PLXNA4: variants seen among roughly 807,000 people sequenced by gnomAD.
PLXNA4 encodes plexin A4, also known as plexin-A4.
In PLXNA4, 44 loss-of-function variants were observed where a neutral mutation model predicts 191.8. The observed-to-expected ratio is 0.23, with a 90% confidence interval of 0.18 to 0.29. The LOEUF (loss-of-function observed/expected upper bound fraction) is 0.29. PLXNA4 is among the 10% of genes least tolerant of loss of function. The pLI, the probability that PLXNA4 is intolerant of heterozygous loss-of-function variation, is 1.00. For synonymous variants in PLXNA4, 1,082 were observed against 1,009.5 expected (o/e 1.07, Z -1.36); for missense variants, 1,800 against 2,488.8 (o/e 0.72, Z 5.89).
At chr7:132,396,446 G>A (rs550543584) in intron 3 of PLXNA4, among the ~76,000 whole-genome samples, 7 of 152,292 alleles carry the variant, frequency 4.6e-5, no homozygotes, top group South Asian at 2.1e-4. Flanking sequence ...GTCCAAGGTC[G>A]AACAACTGAT....
At chr7:132,360,269 G>A (rs183557643) in intron 3 of PLXNA4, among the ~76,000 whole-genome samples, 3 of 152,304 alleles carry the variant, frequency 2.0e-5, no homozygotes, top group South Asian at 4.1e-4. Flanking sequence ...AGGACCTCCA[G>A]GTGGGCCTGT....
At chr7:132,131,680 G>A (rs923434513) in intron 31 of PLXNA4, among the ~76,000 whole-genome samples, 3 of 152,256 alleles carry the variant, frequency 2.0e-5, no homozygotes, top group African/African-American at 7.2e-5. Flanking sequence ...GTAGACAGGT[G>A]TACTTGTAGA....
At chr7:132,398,966 C>A (rs1384468312) in intron 3 of PLXNA4, among the ~76,000 whole-genome samples, 1 of 152,168 alleles carries the variant, frequency 6.6e-6, no homozygotes, top group African/African-American at 2.4e-5. Flanking sequence ...TGGCTGCCAC[C>A]TCCACTCCTC....
chr7:132,369,923 C>T lies in PLXNA4; in HGVS notation c.1372-71701G>A, dbSNP rs893396511. 3.9e-5 allele frequency among the ~76,000 whole-genome samples: 6 copies of T among 152,118 alleles called. No homozygotes were observed. The East Asian group carries it at 1.2e-3, about 30-fold the overall frequency. On this transcript the variant is annotated intron_variant, in intron 3 of 31. Coordinates refer to ENST00000321063, the MANE Select transcript of PLXNA4 (RefSeq NM_020911.2). The stretch of plus-strand genomic sequence containing the variant: ...CTCTACTAAAAATACAAAAAATTAG[C>T]CGGGTGTGGTGCCAGGTGCCTGCAG...
At chr7:132,335,259 A>G (rs1802771048) in intron 3 of PLXNA4, among the ~76,000 whole-genome samples, 1 of 152,214 alleles carries the variant, frequency 6.6e-6, no homozygotes, top group South Asian at 2.1e-4. Flanking sequence ...GATTCTAGGG[A>G]GGATGAACAA....
At chr7:132,504,913 G>T (rs999934351) in intron 2 of PLXNA4, among the ~76,000 whole-genome samples, 1 of 152,216 alleles carries the variant, frequency 6.6e-6, no homozygotes, top group Non-Finnish European at 1.5e-5. Context: ...TGGCCTGGCC[G>T]ATGTCGCACG....
chr7:132,329,212 C>A (rs1215734054), intron 3 of PLXNA4, among the ~76,000 whole-genome samples: 1 of 152,156 alleles, frequency 6.6e-6, no homozygotes, highest in African/African-American at 2.4e-5. Context: ...TCCAAATGCC[C>A]CCACTCCATG....
At chr7:132,411,858 A>G (rs761746221) in intron 3 of PLXNA4, among the ~76,000 whole-genome samples, 3 of 152,150 alleles carry the variant, frequency 2.0e-5, no homozygotes, top group Admixed American at 6.5e-5. Flanking sequence ...GAAGGATCCC[A>G]AATTCTACGT....
chr7:132,155,221 C>T (rs374643357), intron 25 of PLXNA4, among the ~76,000 whole-genome samples: 1 of 152,084 alleles, frequency 6.6e-6, no homozygotes, highest in Non-Finnish European at 1.5e-5. Context: ...GGAAATGGGT[C>T]GCAGAGGAGA....
At position 132,202,697 on chromosome 7, in the gene PLXNA4, C is replaced by T; in HGVS notation, c.2535G>A (p.Trp845Ter). 6.3e-7 allele frequency: 1 copy of T among 1,585,008 alleles called. No homozygotes were observed. The highest frequency in any genetic ancestry group is 8.6e-7 in the Non-Finnish European group (1 of 1,164,962). The change falls in exon 12 of 32, where the codon TGG becomes TGA. Residue 845 changes from tryptophan (W) to a stop codon, truncating the protein, a stop_gained. Coordinates refer to ENST00000321063, the MANE Select transcript of PLXNA4 (RefSeq NM_020911.2). LOFTEE classifies it high-confidence loss of function. ...RQHCPAQESQ[W>*]LELSGAKSKC... Reference sequence around the variant, plus strand: ...TGCTTTTGGCACCAGACAGCTCCAGCCACTGGCTCTCCTGGGCAGGGCAGT... The same window carrying T: ...TGCTTTTGGCACCAGACAGCTCCAGTCACTGGCTCTCCTGGGCAGGGCAGT...
chr7:132,362,023 C>T (rs921632637), intron 3 of PLXNA4, among the ~76,000 whole-genome samples: 2 of 152,096 alleles, frequency 1.3e-5, no homozygotes, highest in African/African-American at 4.8e-5. Context: ...CCAGGCAATC[C>T]ACAAATGAAA....
At chr7:132,428,261 A>G (rs2117180726) in intron 3 of PLXNA4, among the ~76,000 whole-genome samples, 1 of 152,258 alleles carries the variant, frequency 6.6e-6, no homozygotes, top group East Asian at 1.9e-4. Flanking sequence ...TGCTTTCCCA[A>G]AGATCTCATA....
At chr7:132,481,273 G>A (rs1241557706) in intron 3 of PLXNA4, among the ~76,000 whole-genome samples, 1 of 152,032 alleles carries the variant, frequency 6.6e-6, no homozygotes, top group African/African-American at 2.4e-5. Flanking sequence ...AGAACAGAGG[G>A]AATGAAAGGA....
At chr7:132,145,915 C>CAAAAAAAAA (rs397778925) in intron 28 of PLXNA4, among the ~76,000 whole-genome samples, 37 of 92,054 alleles carry the variant, frequency 4.0e-4, no homozygotes, top group Non-Finnish European at 5.4e-4. Context: ...ACTAAAAATA[C>CAAAAAAAAA]AAAAAAAAAA....
intron 3 of PLXNA4, among the ~76,000 whole-genome samples, chr7:132,446,574 C>T (rs1201309901): frequency 2.0e-5 from 3 of 152,168 alleles, no homozygotes; most frequent in African/African-American, 7.2e-5. Context: ...ACTGCCTCCT[C>T]GAAGAGAAGT....
intron 3 of PLXNA4, among the ~76,000 whole-genome samples, chr7:132,382,998 T>C (rs1208672032): frequency 1.3e-5 from 2 of 152,192 alleles, no homozygotes; most frequent in African/African-American, 4.8e-5. Context: ...TGGGCAACGA[T>C]TTTCCTTTGT....
intron 9 of PLXNA4, among the ~76,000 whole-genome samples, chr7:132,218,031 G>A (rs2116932265): frequency 6.7e-6 from 1 of 150,374 alleles, no homozygotes; most frequent in Non-Finnish European, 1.5e-5. Flanking sequence ...GACAAAGTAG[G>A]TTGGTGATTT....
At chr7:132,392,215 T>G (rs1007874701) in intron 3 of PLXNA4, among the ~76,000 whole-genome samples, 5 of 152,114 alleles carry the variant, frequency 3.3e-5, no homozygotes, top group Non-Finnish European at 5.9e-5. Flanking sequence ...TACTAGAACA[T>G]AAGTTCCTGG....
chr7:132,442,764 C>T (rs1420089152), intron 3 of PLXNA4, among the ~76,000 whole-genome samples: 4 of 152,204 alleles, frequency 2.6e-5, no homozygotes, highest in African/African-American at 9.6e-5. Flanking sequence ...AAGCAAGTAA[C>T]CAAGCTGCCC....
Sources: gnomAD v4.1 joint callset for allele counts (sites outside exome capture counted in the v4.1 genomes callset) on GRCh38, gnomAD v4.1.1 for gene constraint, MANE v1.5 for transcripts, NCBI Gene and HGNC (gene_info 2026-07-23, HGNC 2026-07-21) for gene names.